Variants in TRAPPC9 observed in about 807,000 individuals in gnomAD.
TRAPPC9 encodes trafficking protein particle complex subunit 9, also known as IKK2 binding protein.
In TRAPPC9, 83 loss-of-function variants were observed where a neutral mutation model predicts 124.0. The ratio of observed to expected loss-of-function variants is 0.67; its 90% CI spans 0.56 to 0.80. The LOEUF (loss-of-function observed/expected upper bound fraction) is 0.80. TRAPPC9 is among the 30% of genes least tolerant of loss of function. TRAPPC9 has a pLI of 0.00. For synonymous variants in TRAPPC9, 638 were observed against 617.5 expected, an observed-to-expected ratio of 1.03 and a Z score of -0.49; for missense variants, 1,302 against 1,508.3, an observed-to-expected ratio of 0.86 and a Z score of 2.27.
At chr8:140,273,976 G>T (rs533845646) in intron 15 of TRAPPC9, among the ~76,000 whole-genome samples, 1 of 152,260 alleles carries the variant, frequency 6.6e-6, no homozygotes, top group South Asian at 2.1e-4. Flanking sequence ...ACTGCCAGCA[G>T]GTTCTGTACT....
At position 139,959,076 on chromosome 8, in the gene TRAPPC9, C is replaced by T. The variant is rs1009714793; in HGVS notation, c.2810+29650G>A. On this transcript the variant is annotated intron_variant, in intron 19 of 22. Transcript: ENST00000438773. The stretch of plus-strand genomic sequence containing the variant: ...TTCCGAGTCACACGGGGGAGCCCTG[C>T]ATTCCGAGTCACACGGGGGAGCCCT... Among the ~76,000 whole-genome samples, 7 of 152,250 alleles carry T rather than the reference C, an allele frequency of 4.6e-5. No homozygotes were observed. In the East Asian group the frequency reaches 9.7e-4, roughly 21 times the overall value.
intron 7 of TRAPPC9, among the ~76,000 whole-genome samples, chr8:140,379,685 T>C (rs2068547659): frequency 6.6e-6 from 1 of 152,196 alleles, no homozygotes; most frequent in African/African-American, 2.4e-5. Context: ...GCAACTAGAC[T>C]GAAGCCTTGA....
chr8:140,360,175 G>A lies in TRAPPC9; in HGVS notation c.1370C>T (p.Ala457Val). ...DFSRGTHRGW[A>V]AVQMRLLHEL... ...ATGGAGCAAACGCATCTGGACCGCAGCCCAGCCTCTGTGCGTGCCTGCGAT... is the reference window on the plus strand; with the variant it reads ...ATGGAGCAAACGCATCTGGACCGCAACCCAGCCTCTGTGCGTGCCTGCGAT... The change falls in exon 9 of 23, where the codon GCT becomes GTT. Residue 457 changes from alanine to valine, a missense_variant. Transcript: ENST00000438773. The A allele has an allele frequency of 6.2e-7, 1 of 1,614,216 alleles. No homozygotes were observed. The highest frequency in any genetic ancestry group is 1.6e-4 in the Middle Eastern group (1 of 6,062).
chr8:139,774,404 G>A lies in TRAPPC9; in HGVS notation c.3056-42202C>T, dbSNP rs140147834. On this transcript the variant is annotated intron_variant, in intron 21 of 22. Coordinates refer to ENST00000438773, the MANE Select transcript of TRAPPC9 (RefSeq NM_001160372.4). ...GGTGTGCGTGTGTCTGCACGGGTGC[G>A]TGCAAGTGTGTGTCTGTGTGTGAGT... is the stretch of plus-strand genomic sequence containing the variant. Among the ~76,000 whole-genome samples the A allele has an allele frequency of 1.9e-3, 289 of 152,268 alleles. 1 individual carries two copies. The highest frequency in any genetic ancestry group is 2.5e-3 in the Non-Finnish European group (173 of 67,998).
At chr8:139,910,790 C>A (rs865855153) in intron 19 of TRAPPC9, among the ~76,000 whole-genome samples, 29 of 152,328 alleles carry the variant, frequency 1.9e-4, no homozygotes, top group Middle Eastern at 6.8e-3. Context: ...CACAGCCCCC[C>A]CTCAGCTCTC....
intron 19 of TRAPPC9, among the ~76,000 whole-genome samples, chr8:139,928,604 G>T (rs1832943316): frequency 6.6e-6 from 1 of 151,954 alleles, no homozygotes; most frequent in Non-Finnish European, 1.5e-5. Context: ...AAAGCCCACA[G>T]CATCGACCGA....
At chr8:140,228,822 C>A (rs2063513644) in intron 16 of TRAPPC9, among the ~76,000 whole-genome samples, 1 of 152,124 alleles carries the variant, frequency 6.6e-6, no homozygotes, top group Non-Finnish European at 1.5e-5. Context: ...TTTTTAAAAA[C>A]TAAAAGGGTA....
intron 8 of TRAPPC9, among the ~76,000 whole-genome samples, chr8:140,361,982 G>A (rs907823518): frequency 6.6e-6 from 1 of 152,138 alleles, no homozygotes; most frequent in Non-Finnish European, 1.5e-5. Flanking sequence ...GGGTTCCACC[G>A]CTCACAGCCC....
At chr8:140,058,549 C>A (rs375362173) in intron 17 of TRAPPC9, among the ~76,000 whole-genome samples, 6 of 152,288 alleles carry the variant, frequency 3.9e-5, no homozygotes, top group African/African-American at 1.4e-4. Context: ...AGGGCCTGGG[C>A]CTACAAAGTT....
intron 20 of TRAPPC9, among the ~76,000 whole-genome samples, chr8:139,893,258 C>T (rs572607784): frequency 9.8e-4 from 149 of 152,322 alleles, no homozygotes; most frequent in South Asian, 8.1e-3. Flanking sequence ...CACATCCTCA[C>T]GGCGTGCCGC....
At chr8:139,972,894 G>C (rs1231524578) in intron 19 of TRAPPC9, among the ~76,000 whole-genome samples, 1 of 152,170 alleles carries the variant, frequency 6.6e-6, no homozygotes, top group Non-Finnish European at 1.5e-5. Context: ...CTGATACTCC[G>C]TCCCAGACCC....
chr8:139,944,335 G>A (rs183588356), intron 19 of TRAPPC9, among the ~76,000 whole-genome samples: 4 of 152,204 alleles, frequency 2.6e-5, no homozygotes, highest in Admixed American at 2.0e-4. Context: ...ATAAAATATT[G>A]TTTTCTTATT....
intron 21 of TRAPPC9, among the ~76,000 whole-genome samples, chr8:139,781,660 A>T (rs540046740): frequency 5.1e-4 from 78 of 152,346 alleles, no homozygotes; most frequent in Admixed American, 1.6e-3. Context: ...TTCATTGATT[A>T]TAACAAATGT....
At chr8:140,069,388 G>C (rs963356170) in intron 17 of TRAPPC9, among the ~76,000 whole-genome samples, 4 of 152,116 alleles carry the variant, frequency 2.6e-5, no homozygotes, top group African/African-American at 9.7e-5. Context: ...CTTAAACGGC[G>C]GGGGTGGAAT....
chr8:139,991,219 A>G (rs756605765), intron 18 of TRAPPC9, among the ~76,000 whole-genome samples: 5 of 152,246 alleles, frequency 3.3e-5, no homozygotes, highest in Non-Finnish European at 5.9e-5. Flanking sequence ...AAAAGCCTGG[A>G]ATAAAAGGTT....
intron 20 of TRAPPC9, among the ~76,000 whole-genome samples, chr8:139,898,126 C>T (rs912318413): frequency 2.0e-5 from 3 of 152,208 alleles, no homozygotes; most frequent in Non-Finnish European, 2.9e-5. Flanking sequence ...GCAAGTGGGG[C>T]TCCTCCTAGA....
intron 19 of TRAPPC9, among the ~76,000 whole-genome samples, chr8:139,943,765 A>G (rs917461697): frequency 2.0e-5 from 3 of 152,332 alleles, no homozygotes; most frequent in Admixed American, 6.5e-5. Flanking sequence ...TTTAATAAAC[A>G]ATGCATTGGA....
rs764960640 is a variant in TRAPPC9, at chr8:140,252,958, G to C, written c.2279-29C>G. 6.2e-7 allele frequency: 1 copy of C among 1,611,776 alleles called. No homozygotes were observed. Among genetic ancestry groups the C allele is most frequent in the Non-Finnish European group, 8.5e-7 (1 of 1,178,992 alleles). On this transcript the variant is annotated intron_variant, in intron 15 of 22. Transcript: ENST00000438773. The surrounding 1 kb of genome is among the most constrained non-coding windows in gnomAD (Gnocchi z 4.2). ...TAATAATAACAATGACAGTGATGAG[G>C]ATGCTGTAACTGAGGCAGTATGGGA...
At chr8:139,845,946 A>G (rs1827048216) in intron 21 of TRAPPC9, among the ~76,000 whole-genome samples, 1 of 152,308 alleles carries the variant, frequency 6.6e-6, no homozygotes, top group African/African-American at 2.4e-5. Flanking sequence ...GGTGGAGGAG[A>G]CACTCTGAAG....
Sources: gnomAD v4.1 joint callset for allele counts (sites outside exome capture counted in the v4.1 genomes callset) on GRCh38, gnomAD v4.1.1 for gene constraint, Gnocchi (gnomAD v3.1) non-coding constraint, MANE v1.5 for transcripts, NCBI Gene and HGNC (gene_info 2026-07-23, HGNC 2026-07-21) for gene names.